JAK2: variants seen among roughly 807,000 people sequenced by gnomAD.
JAK2 encodes tyrosine-protein kinase JAK2.
JAK2 carries 86 observed loss-of-function variants against 139.3 expected under a neutral mutation model. The ratio of observed to expected loss-of-function variants is 0.62; its 90% CI spans 0.52 to 0.74. JAK2 has a LOEUF of 0.74. Ranked by LOEUF, JAK2 falls within the 30% of genes least tolerant of loss-of-function variation. The pLI, the probability that JAK2 is intolerant of heterozygous loss-of-function variation, is 0.00. For synonymous variants in JAK2, 490 were observed against 437.7 expected (o/e 1.12, Z -1.49); for missense variants, 1,421 against 1,360.3 (o/e 1.04, Z -0.70).
chr9:5,099,793 G>C (rs1821322995), intron 22 of JAK2: 1 of 152,116 alleles, frequency 6.6e-6, no homozygotes, highest in South Asian at 2.1e-4. Flanking sequence ...TATCTTCACT[G>C]CCTCAACCAA....
intron 22 of JAK2, chr9:5,091,675 G>A (rs3824432): frequency 0.27 from 40,401 of 151,942 alleles, 5,734 homozygotes; most frequent in African/African-American, 0.37. Flanking sequence ...GTTTGGGTTC[G>A]TGAAATGGTT....
At chr9:5,042,422 C>T (rs1428520774) in intron 4 of JAK2, among the ~76,000 whole-genome samples, 1 of 152,100 alleles carries the variant, frequency 6.6e-6, no homozygotes, top group Non-Finnish European at 1.5e-5. Flanking sequence ...CAGGCGTGAG[C>T]CACCGCGCCC....
intron 2 of JAK2, among the ~76,000 whole-genome samples, chr9:4,996,928 C>CTT (rs1166992356): frequency 1.1e-3 from 105 of 94,640 alleles, no homozygotes; most frequent in Middle Eastern, 5.9e-3. Flanking sequence ...TTAGTTTGTT[C>CTT]TTTTTTTTTT....
chr9:5,067,068 T>G (rs1818620689), intron 10 of JAK2, among the ~76,000 whole-genome samples: 2 of 152,164 alleles, frequency 1.3e-5, no homozygotes, highest in South Asian at 4.1e-4. Flanking sequence ...TAAAAGGTAT[T>G]TCATCAAGTG....
chr9:5,055,030 G>T (rs757207142), intron 7 of JAK2, 146 bp downstream of exon 7: 40 of 517,946 alleles, frequency 7.7e-5, no homozygotes, highest in Non-Finnish European at 1.3e-4. Flanking sequence ...ACCTATCAAG[G>T]TCATATAATT....
chr9:5,129,706 T>A lies in JAK2; in HGVS notation c.*2915T>A, dbSNP rs1033060989. ...AGATTTTAGTTGGTTGGATTTAATATCAAGATAACTAGCTGCTAAGCGTTT... is the reference window on the plus strand; with the variant it reads ...AGATTTTAGTTGGTTGGATTTAATAACAAGATAACTAGCTGCTAAGCGTTT... On this transcript the variant is annotated 3_prime_UTR_variant, in exon 25 of 25. Transcript: ENST00000381652. 6.6e-6 allele frequency among the ~76,000 whole-genome samples: 1 copy of A among 152,114 alleles called. No homozygotes were observed. The highest frequency in any genetic ancestry group is 2.4e-5 in the African/African-American group (1 of 41,446).
chr9:5,105,815 G>T (rs1299606334), intron 22 of JAK2, among the ~76,000 whole-genome samples: 1 of 152,212 alleles, frequency 6.6e-6, no homozygotes, highest in Non-Finnish European at 1.5e-5. Flanking sequence ...AATGGGAAAA[G>T]GATTCCTTAT....
At chr9:5,041,904 G>A (rs1816568361) in intron 4 of JAK2, 3 of 404,374 alleles carry the variant, frequency 7.4e-6, no homozygotes, top group East Asian at 6.5e-5. Flanking sequence ...CTGCAGAGAT[G>A]GAGGTGGGCG....
chr9:5,120,586 T>C (rs999861518), intron 22 of JAK2, among the ~76,000 whole-genome samples: 2 of 152,190 alleles, frequency 1.3e-5, no homozygotes, highest in South Asian at 4.1e-4. Context: ...TGAAACAGGA[T>C]TTTGGACTCC....
intron 2 of JAK2, among the ~76,000 whole-genome samples, chr9:4,997,478 A>T (rs1320630144): frequency 6.6e-6 from 1 of 152,140 alleles, no homozygotes; most frequent in African/African-American, 2.4e-5. Flanking sequence ...TAAACAGCCA[A>T]ATCTTGCAAG....
At chr9:5,082,829 T>G (rs1384581140) in intron 19 of JAK2, among the ~76,000 whole-genome samples, 1 of 152,246 alleles carries the variant, frequency 6.6e-6, no homozygotes, top group East Asian at 1.9e-4. Flanking sequence ...CCTTAAACCT[T>G]GATTCCATAC....
chr9:5,006,714 G>A (rs953979607), intron 2 of JAK2, among the ~76,000 whole-genome samples: 2 of 152,208 alleles, frequency 1.3e-5, no homozygotes, highest in Admixed American at 1.3e-4. Flanking sequence ...CATGAGACTA[G>A]CAAAGCGTAA....
At chr9:5,030,430 G>A (rs1396062159) in intron 4 of JAK2, among the ~76,000 whole-genome samples, 1 of 152,048 alleles carries the variant, frequency 6.6e-6, no homozygotes, top group Non-Finnish European at 1.5e-5. Context: ...ATGAAACAAA[G>A]ATACGTTTGA....
At chr9:5,096,560 A>G (rs967564415) in intron 22 of JAK2, 4 of 152,188 alleles carry the variant, frequency 2.6e-5, no homozygotes, top group African/African-American at 4.8e-5. Flanking sequence ...TGAATTTGCA[A>G]TTCAACATAA....
intron 22 of JAK2, chr9:5,098,736 C>G (rs982379489): frequency 6.6e-6 from 1 of 151,694 alleles, no homozygotes; most frequent in African/African-American, 2.4e-5. Flanking sequence ...CTCTGTCGCC[C>G]AGGCTGCAGT....
intron 22 of JAK2, among the ~76,000 whole-genome samples, chr9:5,115,159 T>C (rs1265588462): frequency 6.6e-6 from 1 of 152,096 alleles, no homozygotes; most frequent in Non-Finnish European, 1.5e-5. Flanking sequence ...TTTTGCAATC[T>C]AGCCACCTGA....
chr9:5,107,229 C>T (rs1004366808), intron 22 of JAK2, among the ~76,000 whole-genome samples: 1 of 152,086 alleles, frequency 6.6e-6, no homozygotes, highest in African/African-American at 2.4e-5. Flanking sequence ...TATTAAATAA[C>T]CTGACACTAG....
At chr9:5,059,729 T>A (rs1289430245) in intron 8 of JAK2, among the ~76,000 whole-genome samples, 1 of 152,172 alleles carries the variant, frequency 6.6e-6, no homozygotes, top group South Asian at 2.1e-4. Flanking sequence ...AGTCTAAAAA[T>A]GTCTTAGTTT....
intron 22 of JAK2, among the ~76,000 whole-genome samples, chr9:5,102,194 A>C (rs1231639561): frequency 6.6e-6 from 1 of 152,224 alleles, no homozygotes; most frequent in Non-Finnish European, 1.5e-5. Flanking sequence ...AGAAGACCTT[A>C]AATGACCTGA....
Sources: allele counts gnomAD v4.1 joint callset (sites outside exome capture counted in the v4.1 genomes callset), GRCh38; gene constraint gnomAD v4.1.1; transcripts MANE v1.5; gene names NCBI Gene and HGNC (gene_info 2026-07-23, HGNC 2026-07-21).